Variants in ZBTB8A observed in about 807,000 individuals in gnomAD.
ZBTB8A encodes the protein zinc finger and BTB domain-containing protein 8A.
Under a neutral mutation model 37.8 loss-of-function variants are expected in ZBTB8A, and 19 were observed. That is an observed-to-expected ratio of 0.50 (90% CI 0.35 to 0.74). The LOEUF is 0.74. Ranked by LOEUF, ZBTB8A falls within the 30% of genes least tolerant of loss-of-function variation. ZBTB8A has a pLI of 0.01. For synonymous variants in ZBTB8A, 181 were observed against 185.2 expected, an observed-to-expected ratio of 0.98 and a Z score of 0.19; for missense variants, 394 against 537.8, an observed-to-expected ratio of 0.73 and a Z score of 2.65.
Position 32,600,414 on chromosome 1 carries a change from A to G in ZBTB8A, c.1321A>G (p.Arg441Gly). ...AGAAAAAGAAATTAAGCCCAACATT[A>G]GGTAGCTGTAATGTGAACCAACAGA... is the stretch of plus-strand genomic sequence containing the variant. ...EEEKEIKPNI[R>G] Residue 441 changes from arginine to glycine, a missense_variant, in exon 5 of 5, where the codon AGG becomes GGG. Transcript: ENST00000373510. The G allele has an allele frequency of 4.4e-6, 7 of 1,607,764 alleles. No individual in the cohort carries two copies. The highest frequency in any genetic ancestry group is 5.9e-6 in the Non-Finnish European group (7 of 1,177,710).
chr1:32,567,624 C>T (rs1644290299), intron 2 of ZBTB8A, among the ~76,000 whole-genome samples: 1 of 149,552 alleles, frequency 6.7e-6, no homozygotes, highest in South Asian at 2.1e-4. Context: ...GAAACCCGGT[C>T]TCTACTAAAA....
At chr1:32,587,620 A>G (rs539764560) in intron 2 of ZBTB8A, among the ~76,000 whole-genome samples, 1 of 152,190 alleles carries the variant, frequency 6.6e-6, no homozygotes, top group Non-Finnish European at 1.5e-5. Context: ...ATCTCTATTT[A>G]TTTAAAATAA....
At chr1:32,597,908 A>ATTT (rs764920094) in intron 4 of ZBTB8A, among the ~76,000 whole-genome samples, 4 of 137,128 alleles carry the variant, frequency 2.9e-5, no homozygotes, top group African/African-American at 8.0e-5. Flanking sequence ...TATCCGGCTA[A>ATTT]TTTTTTTTTT....
chr1:32,543,418 A>C (rs4970538), intron 1 of ZBTB8A, among the ~76,000 whole-genome samples: 18,709 of 152,016 alleles, frequency 0.12, 1,272 homozygotes, highest in African/African-American at 0.2. Flanking sequence ...AAATTTACCC[A>C]TTTTAAAGTG....
chr1:32,579,849 CAT>C (rs1373515822), intron 2 of ZBTB8A, among the ~76,000 whole-genome samples: 1 of 152,120 alleles, frequency 6.6e-6, no homozygotes, highest in Non-Finnish European at 1.5e-5. Flanking sequence ...GTTACTCCAA[CAT>C]GTGAAAAGAA....
chr1:32,591,062 C>CTT (rs568744807), intron 2 of ZBTB8A, among the ~76,000 whole-genome samples: 13 of 123,902 alleles, frequency 1.0e-4, no homozygotes, highest in African/African-American at 1.8e-4. Context: ...CCCAGCTAAA[C>CTT]TTTTTTTTTT....
intron 2 of ZBTB8A, among the ~76,000 whole-genome samples, chr1:32,567,030 G>A (rs544069158): frequency 2.0e-5 from 3 of 152,196 alleles, no homozygotes; most frequent in Middle Eastern, 6.8e-3. Context: ...GTCCATTCTC[G>A]CATTGCTATA....
rs1452467364 is a variant in ZBTB8A at position 32,604,062 on chromosome 1, G to A, written c.*3643G>A. ...TTAAATAAGCTTTATTTATGCCAAG[G>A]ATTTTTTTTTTAATATCAAGACTTG... is the stretch of plus-strand genomic sequence containing the variant. On this transcript the variant is annotated 3_prime_UTR_variant, in exon 5 of 5. Coordinates refer to ENST00000373510, the MANE Select transcript of ZBTB8A (RefSeq NM_001040441.3). 6.6e-6 allele frequency: 1 copy of A among 151,690 alleles called. No individual in the cohort carries two copies. The highest frequency in any genetic ancestry group is 1.5e-5 in the Non-Finnish European group (1 of 68,008). The allele number at this position is 151,690 out of a possible 1,614,324, so 9.4% of individuals were successfully genotyped here.
At chr1:32,548,259 ACTCT>A (rs1644122963) in intron 1 of ZBTB8A, among the ~76,000 whole-genome samples, 1 of 150,932 alleles carries the variant, frequency 6.6e-6, no homozygotes, top group Non-Finnish European at 1.5e-5. Flanking sequence ...GATCGCTCTC[ACTCT>A]CTCTAGGTAC....
intron 2 of ZBTB8A, among the ~76,000 whole-genome samples, chr1:32,562,038 C>G (rs1300005729): frequency 6.6e-6 from 1 of 151,910 alleles, no homozygotes; most frequent in Non-Finnish European, 1.5e-5. Context: ...CAGCCTCGAA[C>G]TCCTGGGCTC....
At chr1:32,561,123 C>T (rs1644241212) in intron 2 of ZBTB8A, among the ~76,000 whole-genome samples, 1 of 129,806 alleles carries the variant, frequency 7.7e-6, no homozygotes, top group African/African-American at 2.9e-5. Context: ...TTTAATGAAG[C>T]AAATAAGGTG....
At position 32,600,485 on chromosome 1, in the gene ZBTB8A, T is replaced by C; in HGVS notation, c.*66T>C. The C allele has an allele frequency of 8.1e-7, 1 of 1,237,542 alleles. No individual in the cohort carries two copies. The highest frequency in any genetic ancestry group is 1.1e-6 in the Non-Finnish European group (1 of 882,860). 76.7% of individuals were successfully genotyped at this position (1,237,542 alleles called of 1,614,324 possible). A position where few individuals can be genotyped will look rare whatever the true frequency, so the allele number is the denominator to read the frequency against. On this transcript the variant is annotated 3_prime_UTR_variant, in exon 5 of 5. Transcript: ENST00000373510. ...CATTGACTTCCTGTATCTCTCTCTT[T>C]CTATGGTCGGAGTCTAGTTAACAAA...
intron 2 of ZBTB8A, among the ~76,000 whole-genome samples, chr1:32,573,080 T>C (rs1356405607): frequency 1.4e-5 from 2 of 147,894 alleles, no homozygotes; most frequent in African/African-American, 5.0e-5. Flanking sequence ...CTTTTTTTTT[T>C]TTTTTTTTGA....
chr1:32,567,212 G>T (rs1234530957), intron 2 of ZBTB8A, among the ~76,000 whole-genome samples: 1 of 152,086 alleles, frequency 6.6e-6, no homozygotes, highest in Non-Finnish European at 1.5e-5. Context: ...GGAAGAGAGT[G>T]AAGGAGGAGG....
chr1:32,561,694 G>GC (rs1287846272), intron 2 of ZBTB8A, among the ~76,000 whole-genome samples: 1 of 152,048 alleles, frequency 6.6e-6, no homozygotes, highest in African/African-American at 2.4e-5. Flanking sequence ...ACCTCACCCA[G>GC]CCCCTGTATG....
chr1:32,554,768 C>T (rs781051090), intron 2 of ZBTB8A, among the ~76,000 whole-genome samples: 2 of 152,068 alleles, frequency 1.3e-5, no homozygotes, highest in South Asian at 2.1e-4. Context: ...CCTGAGCCAC[C>T]GCACCCGGCT....
intron 2 of ZBTB8A, among the ~76,000 whole-genome samples, chr1:32,576,770 G>A (rs1644363746): frequency 6.6e-6 from 1 of 152,028 alleles, no homozygotes; most frequent in Non-Finnish European, 1.5e-5. Context: ...TCACCATGTT[G>A]GCCAGTTTGA....
intron 1 of ZBTB8A, among the ~76,000 whole-genome samples, chr1:32,552,964 G>A (rs1441961352): frequency 6.7e-6 from 1 of 148,438 alleles, no homozygotes. Flanking sequence ...AATTATTAAT[G>A]ATTTTCTATT....
At chr1:32,596,145 G>A (rs1254671465) in intron 4 of ZBTB8A, among the ~76,000 whole-genome samples, 3 of 151,892 alleles carry the variant, frequency 2.0e-5, no homozygotes, top group South Asian at 2.1e-4. Context: ...CGAGGCAGGC[G>A]GATCATGAGG....
Sources: allele counts gnomAD v4.1 joint callset (sites outside exome capture counted in the v4.1 genomes callset), GRCh38; gene constraint gnomAD v4.1.1; transcripts MANE v1.5; gene names NCBI Gene and HGNC (gene_info 2026-07-23, HGNC 2026-07-21).